ENTREP2: variants seen among roughly 807,000 people sequenced by gnomAD.
The protein encoded by ENTREP2 is protein ENTREP2.
At chr15:29,626,544 G>C in the ENTREP2 span, among the ~76,000 whole-genome samples, 1 of 152,174 alleles carries the variant, frequency 6.6e-6, no homozygotes, top group Admixed American at 6.5e-5. Context: ...CCAATCTTGA[G>C]TATGTCTTTA....
At chr15:29,607,640 G>A in the ENTREP2 span, among the ~76,000 whole-genome samples, 2 of 152,104 alleles carry the variant, frequency 1.3e-5, no homozygotes, top group Non-Finnish European at 2.9e-5. Context: ...CAGTTACAGT[G>A]TTACCCTATT....
chr15:29,330,848 G>A, the ENTREP2 span, among the ~76,000 whole-genome samples: 1 of 152,110 alleles, frequency 6.6e-6, no homozygotes, highest in Admixed American at 6.5e-5. Context: ...ACACTATCTT[G>A]GCAATTTTTC....
the ENTREP2 span, among the ~76,000 whole-genome samples, chr15:29,261,436 T>C: frequency 0.024 from 3,578 of 152,124 alleles, 157 homozygotes; most frequent in African/African-American, 0.082. Context: ...CTGAGCTAAT[T>C]AGGAGGCTGT....
At chr15:29,340,764 G>A in the ENTREP2 span, among the ~76,000 whole-genome samples, 1 of 152,238 alleles carries the variant, frequency 6.6e-6, no homozygotes, top group Admixed American at 6.5e-5. Context: ...CAAGGTGGCC[G>A]AGGAAATCAC....
the ENTREP2 span, among the ~76,000 whole-genome samples, chr15:29,416,902 C>G: frequency 1.2e-4 from 19 of 152,222 alleles, no homozygotes; most frequent in African/African-American, 4.3e-4. Flanking sequence ...AATTGCTCAT[C>G]ATCACTGGCC....
At chr15:29,184,754 G>T in the ENTREP2 span, among the ~76,000 whole-genome samples, 3 of 152,200 alleles carry the variant, frequency 2.0e-5, no homozygotes, top group East Asian at 5.8e-4. Context: ...GTCTCCCATG[G>T]ATGCTCTGCT....
the ENTREP2 span, among the ~76,000 whole-genome samples, chr15:29,169,267 A>C: frequency 0.48 from 73,678 of 152,010 alleles, 18,859 homozygotes; most frequent in East Asian, 0.68. Flanking sequence ...TTTGGCTTTA[A>C]CCTAAATTTA....
chr15:29,572,469 C>G, the ENTREP2 span, among the ~76,000 whole-genome samples: 1 of 151,810 alleles, frequency 6.6e-6, no homozygotes, highest in Admixed American at 6.6e-5. Context: ...TCATCTCCCC[C>G]ATTCATTCAT....
chr15:29,132,147 G>A, the ENTREP2 span, among the ~76,000 whole-genome samples: 4 of 151,318 alleles, frequency 2.6e-5, no homozygotes, highest in African/African-American at 9.8e-5. Flanking sequence ...CACTTTCTAC[G>A]CCATTTGTCC....
chr15:29,461,730 C>G, the ENTREP2 span, among the ~76,000 whole-genome samples: 1 of 152,138 alleles, frequency 6.6e-6, no homozygotes, highest in Non-Finnish European at 1.5e-5. Flanking sequence ...GCTTCGGCCT[C>G]CCATAGTGCT....
chr15:29,476,589 C>A, the ENTREP2 span, among the ~76,000 whole-genome samples: 1 of 152,358 alleles, frequency 6.6e-6, no homozygotes, highest in African/African-American at 2.4e-5. Flanking sequence ...CATGCGTCCC[C>A]AATACCCCAC....
At chr15:29,245,637 A>G in the ENTREP2 span, among the ~76,000 whole-genome samples, 1 of 151,138 alleles carries the variant, frequency 6.6e-6, no homozygotes, top group Non-Finnish European at 1.5e-5. Flanking sequence ...TAATATGTAA[A>G]TTATAAAAAC....
the ENTREP2 span, among the ~76,000 whole-genome samples, chr15:29,140,065 C>T: frequency 1.3e-5 from 2 of 152,216 alleles, no homozygotes; most frequent in African/African-American, 4.8e-5. Flanking sequence ...CACCTCCTCC[C>T]TTCTGTTCCC....
chr15:29,167,011 A>T, the ENTREP2 span, among the ~76,000 whole-genome samples: 1 of 152,072 alleles, frequency 6.6e-6, no homozygotes, highest in Admixed American at 6.6e-5. Context: ...CCAGAAATAA[A>T]CCAAGTACTT....
the ENTREP2 span, among the ~76,000 whole-genome samples, chr15:29,276,579 T>C: frequency 1.3e-5 from 2 of 152,154 alleles, no homozygotes; most frequent in Non-Finnish European, 2.9e-5. Context: ...TGAGGGGTGA[T>C]GTAAGCCTAG....
At chr15:29,379,866 T>C in the ENTREP2 span, among the ~76,000 whole-genome samples, 10 of 152,086 alleles carry the variant, frequency 6.6e-5, no homozygotes, top group Admixed American at 5.9e-4. Context: ...GAAGGCGGCT[T>C]TTCCTTTGTT....
chr15:29,290,324 C>T, the ENTREP2 span, among the ~76,000 whole-genome samples: 2 of 152,220 alleles, frequency 1.3e-5, no homozygotes, highest in Admixed American at 1.3e-4. Context: ...TCCTCTCTGC[C>T]TGGAAAGTTC....
chr15:29,409,718 C>T, the ENTREP2 span, among the ~76,000 whole-genome samples: 22 of 151,902 alleles, frequency 1.4e-4, no homozygotes, highest in African/African-American at 4.6e-4. Flanking sequence ...CTGCCACAAC[C>T]TCCGAGTAGC....
At chr15:29,175,265 A>G in the ENTREP2 span, among the ~76,000 whole-genome samples, 2 of 152,302 alleles carry the variant, frequency 1.3e-5, no homozygotes, top group African/African-American at 4.8e-5. Flanking sequence ...AGAATAAATG[A>G]TACGTGTACC....
Sources: allele counts gnomAD v4.1 joint callset (sites outside exome capture counted in the v4.1 genomes callset), GRCh38; gene constraint gnomAD v4.1.1; transcripts MANE v1.5; gene names NCBI Gene and HGNC (gene_info 2026-07-23, HGNC 2026-07-21).